CORO6: variants seen among roughly 807,000 people sequenced by gnomAD.
The protein encoded by CORO6 is coronin 6.
In CORO6, 43 loss-of-function variants were observed where a neutral mutation model predicts 49.0. That is an observed-to-expected ratio of 0.88 (90% CI 0.69 to 1.13). The LOEUF is 1.13. CORO6 is among the 50% of genes most tolerant of loss of function. The probability of loss-of-function intolerance (pLI) is 0.00; values close to 1 mark genes in which losing one functional copy is unlikely to be tolerated. For missense variants in CORO6, 650 were observed against 647.0 expected (o/e 1.00, Z -0.05); for synonymous variants, 233 against 256.5 (o/e 0.91, Z 0.88).
chr17:29,618,495 G>C, intron 5 of CORO6: 1 of 1,314,728 alleles, frequency 7.6e-7, no homozygotes, highest in Non-Finnish European at 9.7e-7. Flanking sequence ...GTTCTGGTGG[G>C]AGGATGGAGT....
At chr17:29,618,444 G>A (rs774109811) in intron 5 of CORO6, 12 of 1,267,878 alleles carry the variant, frequency 9.5e-6, no homozygotes, top group Non-Finnish European at 1.2e-5. Flanking sequence ...TCTGGGTGCC[G>A]GCTGAGAGGA....
Position 29,616,030 on chromosome 17 carries a change from A to C in CORO6, c.1208T>G (p.Leu403Arg). The C allele has an allele frequency of 1.2e-6, 2 of 1,609,344 alleles. No homozygotes were observed. Among genetic ancestry groups the C allele is most frequent in the Non-Finnish European group, 1.7e-6 (2 of 1,178,188 alleles). ...CAGGATGTTGCGCTTCGTGACCCGGAGCTCGCGGTGCTTGGGGGGCACATA... is the reference window on the plus strand; with the variant it reads ...CAGGATGTTGCGCTTCGTGACCCGGCGCTCGCGGTGCTTGGGGGGCACATA... ...DGYVPPKHRE[L>R]RVTKRNILDV... Residue 403 changes from leucine (L) to arginine (R), a missense_variant, in exon 10 of 11, where the codon CTC (leucine) becomes CGC (arginine). Physicochemically the swap from Leu to Arg is moderately radical, Grantham distance 102. Transcript: ENST00000388767. This position sits in a 1 kb window ranked among gnomAD's most constrained non-coding sequence, Gnocchi z 5.6.
intron 1 of CORO6, chr17:29,622,018 C>A (rs962815985): frequency 6.4e-6 from 1 of 157,474 alleles, no homozygotes; most frequent in Non-Finnish European, 1.4e-5. Context: ...CTCCTGTCCA[C>A]CAATCTGAGT....
rs1180281922 is a variant in CORO6, at chr17:29,616,657, G to T, written c.1004+45C>A. ...CGTGGCTAGGACCCGACATGAGTGG[G>T]GGACAGAGGCGGGTAGGTGTTCAGG... On this transcript the variant is annotated intron_variant, in intron 8 of 10. Transcript: ENST00000388767. The surrounding 1 kb of genome is among the most constrained non-coding windows in gnomAD (Gnocchi z 5.6). 7 of 1,597,732 alleles carry T rather than the reference G, an allele frequency of 4.4e-6. No homozygotes were observed. The highest frequency in any genetic ancestry group is 6.0e-6 in the Non-Finnish European group (7 of 1,167,292).
chr17:29,622,246 G>A (rs1171841873), intron 1 of CORO6: 2 of 153,348 alleles, frequency 1.3e-5, no homozygotes, highest in African/African-American at 2.4e-5. Context: ...CTAGGGGTGG[G>A]GTCTTCAACC....
At position 29,618,443 on chromosome 17, in the gene CORO6, C is replaced by T. The variant is rs1471587258; in HGVS notation, c.633+347G>A. 3.2e-6 allele frequency: 4 copies of T among 1,268,158 alleles called. No individual in the cohort carries two copies. The East Asian group carries it at 9.5e-5, about 30-fold the overall frequency. The allele number at this position is 1,268,158 out of a possible 1,614,324, so 78.6% of individuals were successfully genotyped here. A position where few individuals can be genotyped will look rare whatever the true frequency, so the allele number is the denominator to read the frequency against. ...GACCCTGGAAGATGCGTCTGGGTGC[C>T]GGCTGAGAGGAGAGGGGTCCAGGAG... On this transcript the variant is annotated intron_variant, in intron 5 of 10. Coordinates refer to ENST00000388767, the MANE Select transcript of CORO6 (RefSeq NM_032854.4).
At chr17:29,617,779 A>C in intron 5 of CORO6, 160 bp from the exon 6 acceptor site, 1 of 824,222 alleles carries the variant, frequency 1.2e-6, no homozygotes, top group Non-Finnish European at 1.8e-6. Flanking sequence ...CTGCGGGGCC[A>C]CGTCTGGCCC....
chr17:29,621,454 C>T lies in CORO6; in HGVS notation c.-33G>A. On this transcript the variant is annotated 5_prime_UTR_variant, in exon 2 of 11. The change creates a premature stop within an existing upstream ORF in the 5' untranslated region. Coordinates refer to ENST00000388767, the MANE Select transcript of CORO6 (RefSeq NM_032854.4). This position sits in a 1 kb window ranked among gnomAD's most constrained non-coding sequence, Gnocchi z 4.2. The stretch of plus-strand genomic sequence containing the variant: ...GGCAGAGAGGTAGGATCTCAGTGCC[C>T]AGAAATGCCTTTGGTCCTTAGTCCT... 1 of 1,570,294 alleles carries T rather than the reference C, an allele frequency of 6.4e-7. No individual in the cohort carries two copies. Among genetic ancestry groups the T allele is most frequent in the Non-Finnish European group, 8.6e-7 (1 of 1,156,684 alleles).
In CORO6 at chr17:29,619,053, C is replaced by T. The variant is rs757122528; in HGVS notation, c.451+7G>A. On this transcript the variant is annotated splice_region_variant and intron_variant, in intron 4 of 10. Coordinates refer to ENST00000388767, the MANE Select transcript of CORO6 (RefSeq NM_032854.4). Reference sequence around the variant, plus strand: ...ATCTATGGGGGACCCCTCCTTAGCCCCCAGACCTGCACTGAGCAGGACATT... The same window carrying T: ...ATCTATGGGGGACCCCTCCTTAGCCTCCAGACCTGCACTGAGCAGGACATT... 1 of 1,612,660 alleles carries T rather than the reference C, an allele frequency of 6.2e-7. No individual in the cohort carries two copies. Among genetic ancestry groups the T allele is most frequent in the Non-Finnish European group, 8.5e-7 (1 of 1,179,136 alleles).
chr17:29,619,636 C>T lies in CORO6; in HGVS notation c.321+15G>A. ...CCCCTGCTCAACTGCCCAGCAGTAG[C>T]CACCTGGCTCCTACCATGATGGTGG... On this transcript the variant is annotated intron_variant, in intron 3 of 10. Coordinates refer to ENST00000388767, the MANE Select transcript of CORO6 (RefSeq NM_032854.4). 6.2e-7 allele frequency: 1 copy of T among 1,612,558 alleles called. No individual in the cohort carries two copies.
intron 6 of CORO6, chr17:29,617,248 C>G (rs201494980): frequency 6.5e-7 from 1 of 1,535,494 alleles, no homozygotes; most frequent in Non-Finnish European, 8.7e-7. Context: ...ATACCCGCTG[C>G]GCGCCGCATG....
chr17:29,619,026 C>A (rs937369093), intron 4 of CORO6, 34 bp downstream of exon 4: 6 of 1,612,066 alleles, frequency 3.7e-6, no homozygotes, highest in South Asian at 1.1e-5. Flanking sequence ...CACCACCCAC[C>A]CATCTATGGG....
Position 29,617,513 on chromosome 17 carries a change from C to A in CORO6, c.740G>T (p.Gly247Val). 6.2e-7 allele frequency: 1 copy of A among 1,609,864 alleles called. No individual in the cohort carries two copies. Residue 247 changes from glycine (G) to valine (V), a missense_variant, in exon 6 of 11, where the codon GGC becomes GTC. Transcript: ENST00000388767. Reference protein sequence around the residue: ...GFTRMSQRELGLWDPNNFEEP... With the variant: ...GFTRMSQRELVLWDPNNFEEP... ...CAGCTGCGTTACCGGGTCCCACAGGCCCAGCTCTCGCTGGCTCATGCGGGT... is the reference window on the plus strand; with the variant it reads ...CAGCTGCGTTACCGGGTCCCACAGGACCAGCTCTCGCTGGCTCATGCGGGT...
rs759922330 is a variant in CORO6, at chr17:29,616,891, C to T, written c.859-44G>A. ...CAGGGGCGCGCCCGGACAAGGCCCT[C>T]CACATCTCCATCCAGTGCCCTGTTC... On this transcript the variant is annotated intron_variant, in intron 7 of 10. Coordinates refer to ENST00000388767, the MANE Select transcript of CORO6 (RefSeq NM_032854.4). The surrounding 1 kb of genome is among the most constrained non-coding windows in gnomAD (Gnocchi z 5.6). The T allele has an allele frequency of 6.2e-7, 1 of 1,613,476 alleles. No homozygotes were observed. The highest frequency in any genetic ancestry group is 8.5e-7 in the Non-Finnish European group (1 of 1,179,876).
Position 29,615,650 on chromosome 17 carries a change from G to A in CORO6, c.*82C>T, listed in dbSNP as rs1340081644. ...GCCCCCGGGCCCAGCCCAAGAAGGCGGGGTCCGGAGTTCGGGACTAAAAGC... is the reference window on the plus strand; with the variant it reads ...GCCCCCGGGCCCAGCCCAAGAAGGCAGGGTCCGGAGTTCGGGACTAAAAGC... On this transcript the variant is annotated 3_prime_UTR_variant, in exon 11 of 11. Coordinates refer to ENST00000388767, the MANE Select transcript of CORO6 (RefSeq NM_032854.4). 1 of 1,374,624 alleles carries A rather than the reference G, an allele frequency of 7.3e-7. No individual in the cohort carries two copies. The highest frequency in any genetic ancestry group is 9.5e-7 in the Non-Finnish European group (1 of 1,050,036). The allele number at this position is 1,374,624 out of a possible 1,614,324, so 85.2% of individuals were successfully genotyped here.
At chr17:29,618,203 G>A in intron 5 of CORO6, 1 of 1,328,512 alleles carries the variant, frequency 7.5e-7, no homozygotes, top group Non-Finnish European at 9.6e-7. Context: ...GCGCCCCGGC[G>A]CCAGCCCCGA....
intron 1 of CORO6, chr17:29,622,342 C>CCCAAAGCCCCAGCCAGTGG: frequency 6.0e-6 from 1 of 167,226 alleles, no homozygotes; most frequent in African/African-American, 2.4e-5. Context: ...GCTAGGGTCT[C>CCCAAAGCCCCAGCCAGTGG]CCTAGAGGAC....
In CORO6 at chr17:29,621,586, C is replaced by A; in HGVS notation, c.-63-102G>T. 1 of 1,268,874 alleles carries A rather than the reference C, an allele frequency of 7.9e-7. No homozygotes were observed. Among genetic ancestry groups the A allele is most frequent in the South Asian group, 1.5e-5 (1 of 65,970 alleles). 78.6% of individuals were successfully genotyped at this position (1,268,874 alleles called of 1,614,324 possible). On this transcript the variant is annotated intron_variant, in intron 1 of 10. Transcript: ENST00000388767. The surrounding 1 kb of genome is among the most constrained non-coding windows in gnomAD (Gnocchi z 4.2). Reference sequence around the variant, plus strand: ...AGTGTCTGGTCCTAGAAGCAGGGAGCTTTCTTCAAGGTGGTCAAAGTATGG... The same window carrying A: ...AGTGTCTGGTCCTAGAAGCAGGGAGATTTCTTCAAGGTGGTCAAAGTATGG...
chr17:29,620,620 CAAGGGGCTT>C (rs1428558794), intron 2 of CORO6, among the ~76,000 whole-genome samples: 2 of 152,120 alleles, frequency 1.3e-5, no homozygotes, highest in African/African-American at 4.8e-5. Flanking sequence ...TGTGGATGGT[CAAGGGGCTT>C]AAGGTTATGA....
Sources: allele counts gnomAD v4.1 joint callset (sites outside exome capture counted in the v4.1 genomes callset), GRCh38; gene constraint gnomAD v4.1.1; non-coding constraint Gnocchi (gnomAD v3.1); transcripts MANE v1.5; gene names NCBI Gene and HGNC (gene_info 2026-07-23, HGNC 2026-07-21).